LIN9: variants seen among roughly 807,000 people sequenced by gnomAD.
LIN9 encodes lin-9 DREAM MuvB core complex component, also known as protein lin-9 homolog.
In LIN9, 18 loss-of-function variants were observed where a neutral mutation model predicts 78.0. That is an observed-to-expected ratio of 0.23 (90% CI 0.16 to 0.34). The LOEUF (loss-of-function observed/expected upper bound fraction) is 0.34, where lower values mean the gene tolerates loss of function less well. Ranked by LOEUF, LIN9 falls within the 10% of genes least tolerant of loss-of-function variation. LIN9 has a pLI of 1.00. For synonymous variants in LIN9, 192 were observed against 215.2 expected (o/e 0.89, Z 0.94); for missense variants, 451 against 644.1 (o/e 0.70, Z 3.25).
chr1:226,282,133 C>T (rs1661104619), intron 6 of LIN9, among the ~76,000 whole-genome samples: 1 of 152,128 alleles, frequency 6.6e-6, no homozygotes, highest in African/African-American at 2.4e-5. Context: ...GCATAGCAAT[C>T]ATTTCCATAT....
At chr1:226,259,021 AG>A (rs1251362978) in intron 10 of LIN9, among the ~76,000 whole-genome samples, 1 of 143,854 alleles carries the variant, frequency 7.0e-6, no homozygotes, top group African/African-American at 2.6e-5. Flanking sequence ...CCCAGGCCAG[AG>A]GGCAGTGTTG....
chr1:226,297,798 T>C lies in LIN9; in HGVS notation c.80A>G (p.Asn27Ser). The change falls in exon 3 of 15, where the codon AAC becomes AGC. Residue 27 changes from asparagine to serine, a missense_variant. Coordinates refer to ENST00000681046, the MANE Select transcript of LIN9 (RefSeq NM_001366245.2). ...AGAACTGTACTTTTCATTCCACGTGTTAGATAAGCTTCCTTCTGTAATAAA... is the reference window on the plus strand; with the variant it reads ...AGAACTGTACTTTTCATTCCACGTGCTAGATAAGCTTCCTTCTGTAATAAA... ...LVSLKEGSLSNTWNEKYSSLQ... is the reference protein window; with the variant it reads ...LVSLKEGSLSSTWNEKYSSLQ... 1.3e-6 allele frequency: 2 copies of C among 1,577,114 alleles called. No individual in the cohort carries two copies. Among genetic ancestry groups the C allele is most frequent in the Non-Finnish European group, 1.7e-6 (2 of 1,163,734 alleles).
At position 226,275,390 on chromosome 1, in the gene LIN9, T is replaced by TTTA. The variant is rs552176190; in HGVS notation, c.682+2384_682+2385insTAA. Among the ~76,000 whole-genome samples the TTTA allele has an allele frequency of 1.8e-3, 279 of 152,326 alleles. 2 individuals carry two copies. The South Asian group carries it at 0.032, about 17-fold the overall frequency. On this transcript the variant is annotated intron_variant, in intron 7 of 14. Transcript: ENST00000681046. Reference sequence around the variant, plus strand: ...TAGCCCAAAGAGAAAATGTAAAACATTGCTTTAAAAAAGCTCTAGGCTAGG... The same window carrying TTTA: ...TAGCCCAAAGAGAAAATGTAAAACATTTATGCTTTAAAAAAGCTCTAGGCTAGG...
chr1:226,309,195 C>A, upstream of LIN9: 1 of 1,459,150 alleles, frequency 6.9e-7, no homozygotes. Flanking sequence ...CATTGTGGGG[C>A]GGAGACTGTC....
At chr1:226,270,824 CAAAAAAAAAAAA>C (rs764106581) in intron 7 of LIN9, among the ~76,000 whole-genome samples, 6 of 22,180 alleles carry the variant, frequency 2.7e-4, no homozygotes, top group East Asian at 1.7e-3. Flanking sequence ...GACTCTGTCT[CAAAAAAAAAAAA>C]AAAAAAAAAA....
upstream of LIN9, chr1:226,309,444 G>C: frequency 3.7e-6 from 4 of 1,079,512 alleles, no homozygotes; most frequent in Non-Finnish European, 4.6e-6. Flanking sequence ...AGCAGTACCA[G>C]CTCCGGAGTC....
At position 226,245,598 on chromosome 1, in the gene LIN9, T is replaced by A. The variant is rs186863244; in HGVS notation, c.1119+5241A>T. On this transcript the variant is annotated intron_variant, in intron 11 of 14. Transcript: ENST00000681046. ...GGCTAATTTTTCTAAAAAACAAAAA[T>A]TTTTTTTTTTTGAGACTCAGTCTTG... Among the ~76,000 whole-genome samples, 842 of 148,122 alleles carry A rather than the reference T, an allele frequency of 5.7e-3. 25 individuals carry two copies. The South Asian group carries it at 0.078, about 14-fold the overall frequency.
chr1:226,279,725 A>G (rs1576332379), intron 6 of LIN9, among the ~76,000 whole-genome samples: 1 of 142,982 alleles, frequency 7.0e-6, no homozygotes, highest in Middle Eastern at 3.5e-3. Flanking sequence ...TAGTGAGCCG[A>G]GATTGCACCA....
intron 10 of LIN9, among the ~76,000 whole-genome samples, chr1:226,262,199 C>T (rs1193736049): frequency 6.6e-6 from 1 of 152,158 alleles, no homozygotes; most frequent in East Asian, 1.9e-4. Context: ...GAAAAAAAAT[C>T]TAGATGACTT....
intron 11 of LIN9, among the ~76,000 whole-genome samples, chr1:226,247,678 T>C (rs1482257204): frequency 3.3e-5 from 5 of 150,850 alleles, no homozygotes; most frequent in Middle Eastern, 6.8e-3. Context: ...TTCTTTCTTT[T>C]TTTTTTTTTT....
chr1:226,264,972 T>G lies in LIN9; in HGVS notation c.1038+561A>C, dbSNP rs190143825. Among the ~76,000 whole-genome samples, 440 of 152,340 alleles carry G rather than the reference T, an allele frequency of 2.9e-3. 3 individuals carry two copies. Among genetic ancestry groups the G allele is most frequent in the Non-Finnish European group, 5.2e-3 (354 of 68,032 alleles). ...CTATGATTCAAACTAAAAAATTTAT[T>G]TAATCTAATTTTCAAACTCACTACA... On this transcript the variant is annotated intron_variant, in intron 10 of 14. Coordinates refer to ENST00000681046, the MANE Select transcript of LIN9 (RefSeq NM_001366245.2).
intron 13 of LIN9, 50 bp from the exon 14 acceptor site, chr1:226,233,243 G>A (rs377046809): frequency 1.3e-6 from 2 of 1,522,930 alleles, no homozygotes; most frequent in Admixed American, 1.8e-5. Flanking sequence ...CTCAAATATA[G>A]TCATAAAATA....
chr1:226,257,457 T>C (rs1476915110), intron 10 of LIN9, among the ~76,000 whole-genome samples: 2 of 152,240 alleles, frequency 1.3e-5, no homozygotes, highest in Non-Finnish European at 2.9e-5. Context: ...ATTATGTGTA[T>C]ATATGCTTAT....
chr1:226,293,949 C>T (rs914029998), intron 4 of LIN9, among the ~76,000 whole-genome samples: 1 of 152,058 alleles, frequency 6.6e-6, no homozygotes, highest in African/African-American at 2.4e-5. Context: ...TTAAAATTAT[C>T]ATAAGGCATT....
intron 11 of LIN9, among the ~76,000 whole-genome samples, chr1:226,241,379 GA>G (rs1194561754): frequency 6.6e-6 from 1 of 152,130 alleles, no homozygotes; most frequent in African/African-American, 2.4e-5. Context: ...TGCAGACTCA[GA>G]ACTAGTTAAT....
At chr1:226,300,443 T>A (rs767262726) in intron 2 of LIN9, among the ~76,000 whole-genome samples, 3 of 151,780 alleles carry the variant, frequency 2.0e-5, no homozygotes, top group Non-Finnish European at 4.4e-5. Flanking sequence ...CCCAGCTACA[T>A]GGGAAGCTGA....
intron 8 of LIN9, among the ~76,000 whole-genome samples, chr1:226,267,133 C>T (rs950405458): frequency 3.3e-5 from 5 of 151,324 alleles, no homozygotes; most frequent in African/African-American, 1.2e-4. Flanking sequence ...AATGTAAAAA[C>T]TTAAGAGCAG....
Position 226,281,298 on chromosome 1 carries a change from T to G in LIN9, c.525-3366A>C, listed in dbSNP as rs564503091. ...GGGAAAAGGGAGGGGAGGATGAAGATAAGTTAGCTAAGGGGTACAAAAATA... is the reference window on the plus strand; with the variant it reads ...GGGAAAAGGGAGGGGAGGATGAAGAGAAGTTAGCTAAGGGGTACAAAAATA... On this transcript the variant is annotated intron_variant, in intron 6 of 14. Coordinates refer to ENST00000681046, the MANE Select transcript of LIN9 (RefSeq NM_001366245.2). Among the ~76,000 whole-genome samples, 96 of 151,964 alleles carry G rather than the reference T, an allele frequency of 6.3e-4. 3 individuals are homozygous for G. The highest frequency in any genetic ancestry group is 5.9e-4 in the Non-Finnish European group (40 of 67,980).
At chr1:226,306,042 G>A (rs1662894371) in intron 1 of LIN9, among the ~76,000 whole-genome samples, 1 of 152,082 alleles carries the variant, frequency 6.6e-6, no homozygotes, top group East Asian at 1.9e-4. Context: ...GAGGAAAGTG[G>A]CTGGGGGCGC....
Sources: gnomAD v4.1 joint callset for allele counts (sites outside exome capture counted in the v4.1 genomes callset) on GRCh38, gnomAD v4.1.1 for gene constraint, MANE v1.5 for transcripts, NCBI Gene and HGNC (gene_info 2026-07-23, HGNC 2026-07-21) for gene names.